The following DLG2 variants were observed in gnomAD, a reference collection of about 807,000 sequenced individuals.
The protein encoded by DLG2 is disks large homolog 2.
A neutral mutation model predicts 132.5 loss-of-function variants in DLG2; 45 were observed. That is an observed-to-expected ratio of 0.34 (90% CI 0.27 to 0.44). The LOEUF is 0.44. DLG2 is among the 20% of genes least tolerant of loss of function. The pLI is 1.00. For synonymous variants in DLG2, 424 were observed against 419.6 expected, an observed-to-expected ratio of 1.01 and a Z score of -0.13; for missense variants, 1,045 against 1,196.9, an observed-to-expected ratio of 0.87 and a Z score of 1.87.
intron 3 of DLG2, among the ~76,000 whole-genome samples, 200 bp from the exon 4 acceptor site, chr11:85,285,565 A>G (rs1037340236): frequency 1.3e-5 from 2 of 152,032 alleles, no homozygotes; most frequent in Admixed American, 6.6e-5. Context: ...AGCTTTATTC[A>G]TAATTACAAA....
chr11:84,232,156 C>G (rs12277130), intron 8 of DLG2, among the ~76,000 whole-genome samples: 3,479 of 152,280 alleles, frequency 0.023, 133 homozygotes, highest in African/African-American at 0.079. Flanking sequence ...TTACAATTCT[C>G]GTATCACCTT....
intron 6 of DLG2, among the ~76,000 whole-genome samples, chr11:85,029,571 T>C (rs1159028320): frequency 6.6e-6 from 1 of 152,224 alleles, no homozygotes; most frequent in Non-Finnish European, 1.5e-5. Context: ...AAGCTATCAG[T>C]ATTAGGCCCC....
intron 7 of DLG2, among the ~76,000 whole-genome samples, chr11:84,525,831 C>T (rs2099318616): frequency 6.6e-6 from 1 of 152,168 alleles, no homozygotes; most frequent in Non-Finnish European, 1.5e-5. Flanking sequence ...CATTATGCGT[C>T]AGTATCCTAG....
At chr11:84,599,249 G>GATA (rs1370081153) in intron 6 of DLG2, among the ~76,000 whole-genome samples, 5 of 151,896 alleles carry the variant, frequency 3.3e-5, no homozygotes, top group African/African-American at 7.3e-5. Context: ...CATCTCAAAT[G>GATA]ATAATAATAA....
At chr11:84,014,821 T>G (rs935464135) in intron 11 of DLG2, among the ~76,000 whole-genome samples, 2 of 150,202 alleles carry the variant, frequency 1.3e-5, no homozygotes, top group Non-Finnish European at 2.9e-5. Context: ...GCCTACATCC[T>G]AATCCTGATA....
intron 19 of DLG2, among the ~76,000 whole-genome samples, chr11:83,559,724 ACTTCCAGAAAGTCTT>A (rs1014466040): frequency 6.6e-6 from 1 of 152,198 alleles, no homozygotes; most frequent in African/African-American, 2.4e-5. Flanking sequence ...GGTATATGGT[ACTTCCAGAAAGTCTT>A]CTTCAAAGGA....
At position 84,888,096 on chromosome 11, in the gene DLG2, G is replaced by A. The variant is rs146405584; in HGVS notation, c.357+223565C>T. Among the ~76,000 whole-genome samples, 190 of 152,186 alleles carry A rather than the reference G, an allele frequency of 1.2e-3. 1 individual carries two copies. The highest frequency in any genetic ancestry group is 4.3e-3 in the African/African-American group (180 of 41,532). On this transcript the variant is annotated intron_variant, in intron 6 of 27. Transcript: ENST00000376104. ...CCTTCTCCATAGAACACTGCAAATTGATAAACAAACAGAAATTTCTCTTTG... is the reference window on the plus strand; with the variant it reads ...CCTTCTCCATAGAACACTGCAAATTAATAAACAAACAGAAATTTCTCTTTG...
chr11:85,616,734 C>A (rs2081364196), intron 2 of DLG2, among the ~76,000 whole-genome samples: 1 of 152,120 alleles, frequency 6.6e-6, no homozygotes, highest in Non-Finnish European at 1.5e-5. Flanking sequence ...ATAAAAAAGT[C>A]TTTGGATCTC....
At chr11:85,036,183 C>T (rs957538156) in intron 6 of DLG2, among the ~76,000 whole-genome samples, 1 of 152,184 alleles carries the variant, frequency 6.6e-6, no homozygotes, top group African/African-American at 2.4e-5. Flanking sequence ...ACTCTCTTAC[C>T]TTCTTCAGGT....
chr11:83,974,332 G>C (rs78374882), intron 12 of DLG2, among the ~76,000 whole-genome samples: 1 of 151,942 alleles, frequency 6.6e-6, no homozygotes, highest in East Asian at 1.9e-4. Flanking sequence ...TCAGAAACTT[G>C]CATTGTTTCT....
rs577055941 is a variant in DLG2 at position 85,076,401 on chromosome 11, T to C, written c.357+35260A>G. 5.7e-4 allele frequency among the ~76,000 whole-genome samples: 87 copies of C among 152,174 alleles called. 2 individuals are homozygous for C. The highest frequency in any genetic ancestry group is 2.1e-3 in the African/African-American group (87 of 41,568). On this transcript the variant is annotated intron_variant, in intron 6 of 27. Coordinates refer to ENST00000376104, the MANE Select transcript of DLG2 (RefSeq NM_001142699.3). ...TCCTGATGAGTTCAATTTTCAAGTT[T>C]CATTCAGGAAACAGCCAATTAACTT...
chr11:85,404,305 A>G (rs943050392), intron 3 of DLG2, among the ~76,000 whole-genome samples: 23 of 152,134 alleles, frequency 1.5e-4, no homozygotes, highest in African/African-American at 5.1e-4. Flanking sequence ...AGAGGACCAA[A>G]GATGTAGGCC....
At chr11:84,195,466 G>T (rs1168342019) in intron 8 of DLG2, among the ~76,000 whole-genome samples, 1 of 151,944 alleles carries the variant, frequency 6.6e-6, no homozygotes, top group Non-Finnish European at 1.5e-5. Flanking sequence ...GCCCAGCCTT[G>T]CCTCTACTCT....
At chr11:84,938,751 G>T (rs533529489) in intron 6 of DLG2, among the ~76,000 whole-genome samples, 1 of 152,070 alleles carries the variant, frequency 6.6e-6, no homozygotes, top group Admixed American at 6.6e-5. Flanking sequence ...TCTAATTTTC[G>T]CCAGGGGTGT....
chr11:84,196,861 G>A (rs773909449), intron 8 of DLG2, among the ~76,000 whole-genome samples: 18 of 151,462 alleles, frequency 1.2e-4, no homozygotes, highest in East Asian at 2.0e-4. Context: ...TCAACAAGGC[G>A]AAACAACTCT....
chr11:85,220,653 T>TAA (rs2074579698), intron 4 of DLG2, among the ~76,000 whole-genome samples: 2 of 150,570 alleles, frequency 1.3e-5, no homozygotes, highest in Middle Eastern at 3.4e-3. Flanking sequence ...TATATATATA[T>TAA]AACTTTATTT....
intron 6 of DLG2, among the ~76,000 whole-genome samples, chr11:84,682,145 C>G (rs2153709200): frequency 6.6e-6 from 1 of 152,268 alleles, no homozygotes; most frequent in Admixed American, 6.5e-5. Flanking sequence ...ACCTCCATTA[C>G]CCAAACACCT....
intron 3 of DLG2, among the ~76,000 whole-genome samples, chr11:85,484,533 T>C (rs1419214258): frequency 1.3e-5 from 2 of 151,240 alleles, no homozygotes; most frequent in Non-Finnish European, 2.9e-5. Context: ...CATCAAAAAG[T>C]GGGCGAAGGA....
intron 7 of DLG2, among the ~76,000 whole-genome samples, chr11:84,397,398 C>T (rs1469423487): frequency 1.3e-5 from 2 of 152,192 alleles, no homozygotes; most frequent in Admixed American, 1.3e-4. Context: ...TTATTGTCTT[C>T]CTGGACCCAC....
Sources: allele counts gnomAD v4.1 joint callset (sites outside exome capture counted in the v4.1 genomes callset), GRCh38; gene constraint gnomAD v4.1.1; transcripts MANE v1.5; gene names NCBI Gene and HGNC (gene_info 2026-07-23, HGNC 2026-07-21).